The following XPR1 variants were observed in gnomAD, a reference collection of about 807,000 sequenced individuals.
The protein encoded by XPR1 is solute carrier family 53 member 1.
A neutral mutation model predicts 87.5 loss-of-function variants in XPR1; 28 were observed. The ratio of observed to expected loss-of-function variants is 0.32; its 90% confidence interval spans 0.24 to 0.44. XPR1 has a LOEUF of 0.44. Ranked by LOEUF, XPR1 falls within the 20% of genes least tolerant of loss-of-function variation. XPR1 has a pLI of 1.00. For missense variants in XPR1, 559 were observed against 862.3 expected, an observed-to-expected ratio of 0.65 and a Z score of 4.41; for synonymous variants, 300 against 306.1, an observed-to-expected ratio of 0.98 and a Z score of 0.21.
chr1:180,738,167 A>C (rs2102019151), intron 2 of XPR1, among the ~76,000 whole-genome samples: 1 of 152,120 alleles, frequency 6.6e-6, no homozygotes, highest in East Asian at 1.9e-4. Context: ...ATGCGCCACC[A>C]CGCCCAACTA....
intron 2 of XPR1, among the ~76,000 whole-genome samples, chr1:180,740,188 C>T (rs1407205660): frequency 2.0e-5 from 3 of 152,122 alleles, no homozygotes; most frequent in Non-Finnish European, 4.4e-5. Flanking sequence ...ATTGCACTGA[C>T]CAGGATTTTC....
intron 12 of XPR1, 104 bp from the exon 13 acceptor site, chr1:180,873,699 C>T (rs957083919): frequency 1.3e-5 from 17 of 1,270,154 alleles, no homozygotes; most frequent in Middle Eastern, 2.0e-4. Flanking sequence ...TGTGCTTATT[C>T]GTAGGACATG....
intron 1 of XPR1, among the ~76,000 whole-genome samples, chr1:180,658,709 C>T (rs776312980): frequency 3.3e-5 from 5 of 151,384 alleles, no homozygotes; most frequent in East Asian, 1.9e-4. Context: ...GGACTACAGG[C>T]GCCCGCCACC....
At chr1:180,720,668 C>G (rs539783319) in intron 2 of XPR1, among the ~76,000 whole-genome samples, 1 of 152,252 alleles carries the variant, frequency 6.6e-6, no homozygotes, top group African/African-American at 2.4e-5. Flanking sequence ...GGACCTCACC[C>G]CAGATCTACT....
chr1:180,797,158 G>A (rs555773206), intron 3 of XPR1, among the ~76,000 whole-genome samples: 2 of 152,244 alleles, frequency 1.3e-5, no homozygotes, highest in South Asian at 2.1e-4. Context: ...GAATCCTATG[G>A]TAGGTAAGTT....
At chr1:180,648,554 T>A in intron 1 of XPR1, among the ~76,000 whole-genome samples, 1 of 152,252 alleles carries the variant, frequency 6.6e-6, no homozygotes, top group East Asian at 1.9e-4. Context: ...TTGCCCAGGC[T>A]GGAGTGCAGT....
rs200044209 is a variant in XPR1, at chr1:180,744,650, C to CTTTTTTTTTT, written c.122-43100_122-43099insTTTTTTTTTT. Reference sequence around the variant, plus strand: ...ACTTGTTCAGGTTTAGGCACAATTTCTTTCTTTTTTTTTTTTTTGAGACAG... The same window carrying CTTTTTTTTTT: ...ACTTGTTCAGGTTTAGGCACAATTTCTTTTTTTTTTTTTCTTTTTTTTTTTTTTGAGACAG... On this transcript the variant is annotated intron_variant, in intron 2 of 14. Transcript: ENST00000367590. Among the ~76,000 whole-genome samples, 55 of 56,938 alleles carry CTTTTTTTTTT rather than the reference C, an allele frequency of 9.7e-4. 6 individuals are homozygous for CTTTTTTTTTT. Among genetic ancestry groups the CTTTTTTTTTT allele is most frequent in the African/African-American group, 1.5e-3 (26 of 17,136 alleles). 37.4% of individuals were successfully genotyped at this position (56,938 alleles called of 152,430 possible). A position where few individuals can be genotyped will look rare whatever the true frequency, so the allele number is the denominator to read the frequency against.
chr1:180,769,493 G>T (rs573678059), intron 2 of XPR1, among the ~76,000 whole-genome samples: 1 of 132,080 alleles, frequency 7.6e-6, no homozygotes, highest in African/African-American at 2.9e-5. Flanking sequence ...CAGTTCATCT[G>T]TGTCCATTTT....
intron 7 of XPR1, among the ~76,000 whole-genome samples, chr1:180,816,332 T>C (rs1161687654): frequency 1.3e-5 from 2 of 152,174 alleles, no homozygotes; most frequent in Non-Finnish European, 2.9e-5. Context: ...TCTAATGCCG[T>C]TGATCTGACA....
chr1:180,661,417 T>G (rs975999143), intron 1 of XPR1, among the ~76,000 whole-genome samples: 1 of 152,096 alleles, frequency 6.6e-6, no homozygotes, highest in Non-Finnish European at 1.5e-5. Flanking sequence ...CCTTCTTTCC[T>G]TCCTTCCTGT....
chr1:180,785,280 G>T (rs1192416987), intron 2 of XPR1, among the ~76,000 whole-genome samples: 2 of 151,762 alleles, frequency 1.3e-5, no homozygotes, highest in Non-Finnish European at 2.9e-5. Flanking sequence ...AGCCTCCCGA[G>T]TAGCTAGGAT....
chr1:180,685,579 A>G (rs950925495), intron 2 of XPR1, among the ~76,000 whole-genome samples: 2 of 151,978 alleles, frequency 1.3e-5, no homozygotes, highest in African/African-American at 4.8e-5. Flanking sequence ...TCCTCTTTGT[A>G]CCTCTGGTAG....
chr1:180,733,210 T>G (rs1443924824), intron 2 of XPR1, among the ~76,000 whole-genome samples: 1 of 152,160 alleles, frequency 6.6e-6, no homozygotes, highest in East Asian at 1.9e-4. Context: ...AATGCAACAT[T>G]TGGGCAGGAA....
At chr1:180,714,385 CT>C (rs1657913770) in intron 2 of XPR1, among the ~76,000 whole-genome samples, 1 of 148,388 alleles carries the variant, frequency 6.7e-6, no homozygotes, top group Admixed American at 6.7e-5. Flanking sequence ...CTCTCTCTCT[CT>C]CTCTCTCTCT....
chr1:180,828,177 T>C (rs1650926806), intron 9 of XPR1, among the ~76,000 whole-genome samples: 1 of 152,090 alleles, frequency 6.6e-6, no homozygotes, highest in African/African-American at 2.4e-5. Context: ...CACCCATCCT[T>C]TTCTTTAATT....
intron 2 of XPR1, among the ~76,000 whole-genome samples, chr1:180,735,331 A>G (rs1173383617): frequency 6.6e-6 from 1 of 152,234 alleles, no homozygotes; most frequent in Non-Finnish European, 1.5e-5. Flanking sequence ...GAAAGAAAAT[A>G]TTAGCTAAAT....
At chr1:180,665,550 A>G (rs182976754) in intron 1 of XPR1, among the ~76,000 whole-genome samples, 7 of 152,310 alleles carry the variant, frequency 4.6e-5, no homozygotes, top group African/African-American at 9.6e-5. Flanking sequence ...AGTTCCTGCT[A>G]CTAGGATAGG....
intron 1 of XPR1, among the ~76,000 whole-genome samples, chr1:180,670,192 C>T (rs1344471581): frequency 1.3e-5 from 2 of 152,062 alleles, no homozygotes; most frequent in African/African-American, 4.8e-5. Flanking sequence ...CTGCCAATTT[C>T]TGTTTTTTCA....
chr1:180,723,360 C>T (rs940197292), intron 2 of XPR1, among the ~76,000 whole-genome samples: 1 of 152,044 alleles, frequency 6.6e-6, no homozygotes, highest in African/African-American at 2.4e-5. Context: ...ATGTAGGTAA[C>T]GTCAAAGTTA....
Sources: allele counts gnomAD v4.1 joint callset (sites outside exome capture counted in the v4.1 genomes callset), GRCh38; gene constraint gnomAD v4.1.1; transcripts MANE v1.5; gene names NCBI Gene and HGNC (gene_info 2026-07-23, HGNC 2026-07-21).